EXOC6B: variants seen among roughly 807,000 people sequenced by gnomAD.
EXOC6B encodes the protein exocyst complex component 6B, also known as SEC15 homolog B.
In EXOC6B, 54 loss-of-function variants were observed where a neutral mutation model predicts 113.5. That is an observed-to-expected ratio of 0.48 (90% CI 0.38 to 0.60). The LOEUF is 0.60. Ranked by LOEUF, EXOC6B falls within the 20% of genes least tolerant of loss-of-function variation. EXOC6B has a pLI of 0.00. For synonymous variants in EXOC6B, 357 were observed against 339.0 expected, an observed-to-expected ratio of 1.05 and a Z score of -0.58; for missense variants, 797 against 977.5, an observed-to-expected ratio of 0.82 and a Z score of 2.46.
chr2:72,387,647 A>T (rs1249609752), intron 18 of EXOC6B, among the ~76,000 whole-genome samples: 1 of 152,144 alleles, frequency 6.6e-6, no homozygotes, highest in East Asian at 1.9e-4. Context: ...AGTTGTTCAT[A>T]TTTTACTTGA....
intron 20 of EXOC6B, among the ~76,000 whole-genome samples, chr2:72,214,659 A>G (rs567229918): frequency 9.2e-5 from 14 of 152,182 alleles, no homozygotes; most frequent in African/African-American, 3.1e-4. Context: ...GCTGATCTGC[A>G]GTTAGAATGA....
At position 72,489,365 on chromosome 2, in the gene EXOC6B, T is replaced by C. The variant is rs144204426; in HGVS notation, c.1665+2953A>G. On this transcript the variant is annotated intron_variant, in intron 16 of 21. Transcript: ENST00000272427. ...TAATAGAGAGTACATATTTTAAAAA[T>C]TGTAAAGGTAATAAACAAATTATCT... Among the ~76,000 whole-genome samples the C allele has an allele frequency of 7.9e-5, 12 of 152,330 alleles. No individual in the cohort carries two copies. In the East Asian group the frequency reaches 2.3e-3, roughly 29 times the overall value.
chr2:72,254,185 T>G (rs1683204395), intron 20 of EXOC6B, among the ~76,000 whole-genome samples: 1 of 152,198 alleles, frequency 6.6e-6, no homozygotes, highest in South Asian at 2.1e-4. Flanking sequence ...TGTTCAAGTC[T>G]TAATCTCCAG....
chr2:72,240,523 C>A (rs1403303609), intron 20 of EXOC6B, among the ~76,000 whole-genome samples: 1 of 152,012 alleles, frequency 6.6e-6, no homozygotes, highest in African/African-American at 2.4e-5. Context: ...TATATATATT[C>A]CAAATGACTT....
At chr2:72,628,585 A>C (rs915641340) in intron 6 of EXOC6B, among the ~76,000 whole-genome samples, 8 of 152,230 alleles carry the variant, frequency 5.3e-5, no homozygotes, top group African/African-American at 9.6e-5. Flanking sequence ...GGCAGCGATG[A>C]GGTTTAGGAG....
At chr2:72,755,127 C>T (rs1682329121) in intron 1 of EXOC6B, among the ~76,000 whole-genome samples, 1 of 151,976 alleles carries the variant, frequency 6.6e-6, no homozygotes, top group Non-Finnish European at 1.5e-5. Context: ...ACCTATGAAG[C>T]CATATGTGGT....
At chr2:72,766,454 T>C (rs1182538453) in intron 1 of EXOC6B, among the ~76,000 whole-genome samples, 1 of 152,136 alleles carries the variant, frequency 6.6e-6, no homozygotes, top group Non-Finnish European at 1.5e-5. Context: ...GATCTAGATA[T>C]TGAACTTATC....
chr2:72,191,700 A>G (rs1043105572), intron 20 of EXOC6B, among the ~76,000 whole-genome samples: 1 of 152,214 alleles, frequency 6.6e-6, no homozygotes, highest in Non-Finnish European at 1.5e-5. Context: ...CAGAGAACAG[A>G]CAGCATTATA....
At chr2:72,488,469 C>G (rs1157808311) in intron 16 of EXOC6B, among the ~76,000 whole-genome samples, 1 of 152,096 alleles carries the variant, frequency 6.6e-6, no homozygotes, top group Non-Finnish European at 1.5e-5. Flanking sequence ...ACTGCTTACT[C>G]AACATCTCAA....
chr2:72,716,403 T>C (rs1679620128), intron 6 of EXOC6B, among the ~76,000 whole-genome samples: 1 of 152,168 alleles, frequency 6.6e-6, no homozygotes, highest in Non-Finnish European at 1.5e-5. Context: ...GTACATGGTA[T>C]TTTCTCTCTC....
intron 1 of EXOC6B, among the ~76,000 whole-genome samples, chr2:72,821,055 GA>G (rs1686554525): frequency 6.6e-6 from 1 of 151,878 alleles, no homozygotes; most frequent in Admixed American, 6.6e-5. Context: ...TCAAAAAATG[GA>G]AAAGACAAAT....
At chr2:72,577,910 A>G (rs1328992015) in intron 6 of EXOC6B, among the ~76,000 whole-genome samples, 2 of 152,070 alleles carry the variant, frequency 1.3e-5, no homozygotes, top group Admixed American at 1.3e-4. Flanking sequence ...TAGATCTTAG[A>G]AAGCATCTAG....
chr2:72,735,334 C>A (rs909716776), intron 2 of EXOC6B, among the ~76,000 whole-genome samples: 1 of 152,158 alleles, frequency 6.6e-6, no homozygotes, highest in Non-Finnish European at 1.5e-5. Flanking sequence ...AACACACACA[C>A]AATTTTCAAG....
chr2:72,769,019 G>A (rs1683262509), intron 1 of EXOC6B, among the ~76,000 whole-genome samples: 1 of 152,106 alleles, frequency 6.6e-6, no homozygotes, highest in Admixed American at 6.6e-5. Context: ...ACAAGTTCTG[G>A]AGATAGGTGG....
chr2:72,631,214 G>GTA (rs527489423), intron 6 of EXOC6B, among the ~76,000 whole-genome samples: 99 of 151,410 alleles, frequency 6.5e-4, no homozygotes, highest in African/African-American at 2.3e-3. Context: ...ATGCATATGT[G>GTA]TATATATGTG....
At chr2:72,593,344 G>A (rs958524094) in intron 6 of EXOC6B, among the ~76,000 whole-genome samples, 3 of 152,084 alleles carry the variant, frequency 2.0e-5, no homozygotes, top group Non-Finnish European at 2.9e-5. Flanking sequence ...TAAACAGAAG[G>A]ATGGGTAAAC....
chr2:72,461,606 T>A (rs1697683409), intron 18 of EXOC6B: 1 of 152,042 alleles, frequency 6.6e-6, no homozygotes, highest in Non-Finnish European at 1.5e-5. Flanking sequence ...TTTTAATTTA[T>A]ACCTACTCCT....
At position 72,624,744 on chromosome 2, in the gene EXOC6B, T is replaced by C. The variant is rs544338031; in HGVS notation, c.670-49076A>G. ...GTAGATGACAGAGCAAGACCCTGTT[T>C]CTTAAAAACGATAACAACAACAACA... On this transcript the variant is annotated intron_variant, in intron 6 of 21. Transcript: ENST00000272427. Among the ~76,000 whole-genome samples, 3 of 152,274 alleles carry C rather than the reference T, an allele frequency of 2.0e-5. No homozygotes were observed. The South Asian group carries it at 6.2e-4, about 32-fold the overall frequency.
chr2:72,687,387 T>C (rs747186501), intron 6 of EXOC6B, among the ~76,000 whole-genome samples: 17 of 152,170 alleles, frequency 1.1e-4, no homozygotes, highest in Non-Finnish European at 2.2e-4. Context: ...CTAACTTCTA[T>C]GACTTCAAGT....
Sources: allele counts gnomAD v4.1 joint callset (sites outside exome capture counted in the v4.1 genomes callset), GRCh38; gene constraint gnomAD v4.1.1; transcripts MANE v1.5; gene names NCBI Gene and HGNC (gene_info 2026-07-23, HGNC 2026-07-21).